Variants in GPC5 observed in about 807,000 individuals in gnomAD.
GPC5 encodes glypican-5.
A neutral mutation model predicts 53.9 loss-of-function variants in GPC5; 47 were observed. The observed-to-expected ratio is 0.87, with a 90% CI of 0.69 to 1.11. GPC5 has a LOEUF of 1.11. Among genes scored for constraint, GPC5 ranks in the 50% most tolerant of loss-of-function variants. The probability of loss-of-function intolerance (pLI) is 0.00; values close to 1 mark genes in which losing one functional copy is unlikely to be tolerated. For missense variants in GPC5, 748 were observed against 713.1 expected, an observed-to-expected ratio of 1.05 and a Z score of -0.56; for synonymous variants, 286 against 263.3, an observed-to-expected ratio of 1.09 and a Z score of -0.84.
chr13:92,745,071 T>C (rs1346163829), intron 7 of GPC5, among the ~76,000 whole-genome samples: 1 of 152,124 alleles, frequency 6.6e-6, no homozygotes, highest in African/African-American at 2.4e-5. Flanking sequence ...ATTGAAATAT[T>C]TAGAATGCTT....
intron 6 of GPC5, among the ~76,000 whole-genome samples, chr13:92,046,905 G>A (rs556741248): frequency 6.6e-5 from 10 of 152,246 alleles, no homozygotes; most frequent in Admixed American, 2.0e-4. Flanking sequence ...TGATACCATT[G>A]AATGTTTTAA....
chr13:92,723,612 A>G (rs146525041), intron 7 of GPC5, among the ~76,000 whole-genome samples: 2 of 151,836 alleles, frequency 1.3e-5, no homozygotes, highest in East Asian at 3.9e-4. Flanking sequence ...ATTTCACAAT[A>G]TATCCTTATA....
At chr13:91,556,196 T>TA (rs34297315) in intron 2 of GPC5, among the ~76,000 whole-genome samples, 140 of 151,466 alleles carry the variant, frequency 9.2e-4, no homozygotes, top group Non-Finnish European at 1.8e-3. Flanking sequence ...AGAGTGGCTT[T>TA]AAAAAAAAAC....
intron 2 of GPC5, among the ~76,000 whole-genome samples, chr13:91,514,392 T>A (rs1885388483): frequency 6.6e-6 from 1 of 152,198 alleles, no homozygotes; most frequent in Non-Finnish European, 1.5e-5. Context: ...CCTAATAGGC[T>A]AATGCTGTTG....
intron 7 of GPC5, among the ~76,000 whole-genome samples, chr13:92,501,197 T>C (rs1020037527): frequency 3.9e-5 from 6 of 151,986 alleles, no homozygotes; most frequent in African/African-American, 1.5e-4. Context: ...TAACAAGCTA[T>C]AATAAAATAT....
intron 7 of GPC5, among the ~76,000 whole-genome samples, chr13:92,301,090 C>T (rs982122491): frequency 7.9e-5 from 12 of 152,282 alleles, no homozygotes; most frequent in Admixed American, 5.2e-4. Flanking sequence ...CAATAAAGAA[C>T]ATAACATCAA....
intron 2 of GPC5, among the ~76,000 whole-genome samples, chr13:91,451,505 T>G (rs923077123): frequency 1.3e-5 from 2 of 152,124 alleles, no homozygotes; most frequent in African/African-American, 4.8e-5. Context: ...CAGCTGTTGT[T>G]AGAAGAGACC....
chr13:92,013,475 G>T (rs1017235494), intron 6 of GPC5, among the ~76,000 whole-genome samples: 1 of 152,168 alleles, frequency 6.6e-6, no homozygotes, highest in Non-Finnish European at 1.5e-5. Context: ...GGCACAGGAT[G>T]GGGTAGGTGG....
chr13:91,502,078 T>C (rs1405525772), intron 2 of GPC5, among the ~76,000 whole-genome samples: 4 of 152,238 alleles, frequency 2.6e-5, no homozygotes, highest in African/African-American at 9.6e-5. Flanking sequence ...CTTTGCCCAC[T>C]TTTTGATGGG....
chr13:91,520,982 A>T (rs1311103471), intron 2 of GPC5, among the ~76,000 whole-genome samples: 1 of 152,116 alleles, frequency 6.6e-6, no homozygotes, highest in Non-Finnish European at 1.5e-5. Flanking sequence ...ATCTAATTTT[A>T]AATTCTCATA....
intron 7 of GPC5, among the ~76,000 whole-genome samples, chr13:92,787,695 AAAG>A (rs1876298402): frequency 6.7e-6 from 1 of 148,748 alleles, no homozygotes; most frequent in Non-Finnish European, 1.5e-5. Context: ...AAAAGAAAAG[AAAG>A]AAAGAAAGAA....
intron 2 of GPC5, among the ~76,000 whole-genome samples, chr13:91,490,114 T>C (rs1883857322): frequency 6.6e-6 from 1 of 152,168 alleles, no homozygotes; most frequent in Non-Finnish European, 1.5e-5. Context: ...GGATAGGGTG[T>C]GTAAATCAGA....
At chr13:91,729,649 G>A (rs2036651928) in intron 4 of GPC5, among the ~76,000 whole-genome samples, 1 of 152,054 alleles carries the variant, frequency 6.6e-6, no homozygotes, top group African/African-American at 2.4e-5. Flanking sequence ...ATTTTCTACA[G>A]CTAAAAAGAA....
At chr13:91,663,283 A>G (rs1458239224) in intron 2 of GPC5, among the ~76,000 whole-genome samples, 1 of 152,188 alleles carries the variant, frequency 6.6e-6, no homozygotes, top group African/African-American at 2.4e-5. Context: ...TTAGTTACAT[A>G]TGGAAGGTTT....
At chr13:92,078,842 T>G (rs1462964227) in intron 6 of GPC5, among the ~76,000 whole-genome samples, 2 of 152,162 alleles carry the variant, frequency 1.3e-5, no homozygotes, top group Admixed American at 6.5e-5. Context: ...CGTCCCGTTA[T>G]GTTCAGGATA....
At chr13:91,557,609 C>T (rs1426176719) in intron 2 of GPC5, among the ~76,000 whole-genome samples, 2 of 152,120 alleles carry the variant, frequency 1.3e-5, no homozygotes, top group Admixed American at 1.3e-4. Context: ...GACTCCAATT[C>T]TCTACTGAAT....
chr13:92,665,665 A>T (rs1480194792), intron 7 of GPC5, among the ~76,000 whole-genome samples: 1 of 152,182 alleles, frequency 6.6e-6, no homozygotes. Flanking sequence ...CTCTAAAAGG[A>T]TGCTTTCTCA....
chr13:91,734,324 A>G (rs1429784820), intron 4 of GPC5, among the ~76,000 whole-genome samples: 1 of 150,842 alleles, frequency 6.6e-6, no homozygotes, highest in East Asian at 1.9e-4. Context: ...TGAGTTGGGG[A>G]CTCTTTATGG....
At chr13:92,481,054 C>T (rs768489054) in intron 7 of GPC5, among the ~76,000 whole-genome samples, 6 of 152,084 alleles carry the variant, frequency 3.9e-5, no homozygotes, top group South Asian at 2.1e-4. Context: ...GGTTCTACTT[C>T]AGGCTTCTGA....
Sources: allele counts gnomAD v4.1 joint callset (sites outside exome capture counted in the v4.1 genomes callset), GRCh38; gene constraint gnomAD v4.1.1; transcripts MANE v1.5; gene names NCBI Gene and HGNC (gene_info 2026-07-23, HGNC 2026-07-21).